Variants in OPCML observed in about 807,000 individuals in gnomAD.
OPCML encodes the protein opioid binding protein/cell adhesion molecule like, also known as opioid-binding protein/cell adhesion molecule.
A neutral mutation model predicts 37.8 loss-of-function variants in OPCML; 13 were observed. That is an observed-to-expected ratio of 0.34 (90% CI 0.22 to 0.55). OPCML has a LOEUF of 0.55. OPCML is among the 20% of genes least tolerant of loss of function. OPCML has a pLI of 0.91. For synonymous variants in OPCML, 176 were observed against 168.8 expected, an observed-to-expected ratio of 1.04 and a Z score of -0.33; for missense variants, 341 against 435.6, an observed-to-expected ratio of 0.78 and a Z score of 1.93.
chr11:132,460,601 G>T (rs1016931008), intron 4 of OPCML, among the ~76,000 whole-genome samples: 2 of 152,140 alleles, frequency 1.3e-5, no homozygotes, highest in Non-Finnish European at 1.5e-5. Flanking sequence ...TATCTTGATG[G>T]CAAAGAAGAA....
At chr11:133,483,346 TATAG>T (rs1021932898) in intron 1 of OPCML, among the ~76,000 whole-genome samples, 8 of 86,534 alleles carry the variant, frequency 9.2e-5, no homozygotes, top group South Asian at 3.0e-4. Flanking sequence ...AGATAATAGA[TATAG>T]ATAGATAGAT....
intron 1 of OPCML, chr11:133,362,178 G>A (rs929454111): frequency 1.3e-5 from 2 of 152,312 alleles, no homozygotes; most frequent in Non-Finnish European, 2.9e-5. Flanking sequence ...ATAGAAGGTG[G>A]TGTGACTTGG....
At chr11:132,674,828 A>T (rs1421870044) in intron 2 of OPCML, among the ~76,000 whole-genome samples, 1 of 152,186 alleles carries the variant, frequency 6.6e-6, no homozygotes, top group Non-Finnish European at 1.5e-5. Flanking sequence ...TCTAAGGCAC[A>T]TCCACTGGTT....
At chr11:133,464,457 G>A (rs774689370) in intron 1 of OPCML, among the ~76,000 whole-genome samples, 4 of 152,172 alleles carry the variant, frequency 2.6e-5, no homozygotes, top group Non-Finnish European at 5.9e-5. Flanking sequence ...AATGTGGGGC[G>A]CTCTGGGGCC....
chr11:133,152,997 G>A (rs1291058480), intron 1 of OPCML, among the ~76,000 whole-genome samples: 1 of 152,068 alleles, frequency 6.6e-6, no homozygotes, highest in Non-Finnish European at 1.5e-5. Context: ...TCTCCACAGC[G>A]GGCTGTGTGT....
chr11:132,605,556 C>A (rs1938232355), intron 3 of OPCML, among the ~76,000 whole-genome samples: 2 of 152,032 alleles, frequency 1.3e-5, no homozygotes, highest in Admixed American at 1.3e-4. Context: ...GAGATAGAGA[C>A]TCTGTGTCAA....
At chr11:132,905,325 A>G (rs560947511) in intron 2 of OPCML, among the ~76,000 whole-genome samples, 165 of 139,050 alleles carry the variant, frequency 1.2e-3, no homozygotes, top group African/African-American at 4.2e-3. Context: ...TCCGCCTCCC[A>G]GATTCAAGCA....
intron 6 of OPCML, 135 bp downstream of exon 6, chr11:132,436,523 CT>C: frequency 6.9e-7 from 1 of 1,451,022 alleles, no homozygotes; most frequent in Non-Finnish European, 9.1e-7. Context: ...TAAAAATAGA[CT>C]TTGTTACAAA....
At chr11:132,733,015 G>A (rs904925338) in intron 2 of OPCML, among the ~76,000 whole-genome samples, 1 of 152,132 alleles carries the variant, frequency 6.6e-6, no homozygotes. Context: ...GCAGTGGGAA[G>A]GTGGTGAGTG....
intron 2 of OPCML, among the ~76,000 whole-genome samples, chr11:132,812,254 A>G (rs1271099285): frequency 6.6e-6 from 1 of 152,170 alleles, no homozygotes; most frequent in Non-Finnish European, 1.5e-5. Flanking sequence ...TACACTGCGC[A>G]TTGCAAAGTA....
chr11:133,028,118 A>G (rs547071390), intron 1 of OPCML, among the ~76,000 whole-genome samples: 38 of 152,128 alleles, frequency 2.5e-4, no homozygotes, highest in African/African-American at 8.7e-4. Context: ...TCAACCAGTA[A>G]CCTTTATTTT....
intron 1 of OPCML, among the ~76,000 whole-genome samples, chr11:133,393,287 GT>G (rs1565610685): frequency 1.3e-5 from 2 of 152,150 alleles, no homozygotes; most frequent in Non-Finnish European, 2.9e-5. Flanking sequence ...ATAAAACAAG[GT>G]TATGTATTGA....
chr11:132,527,087 A>C (rs1407148958), intron 4 of OPCML, among the ~76,000 whole-genome samples: 1 of 152,202 alleles, frequency 6.6e-6, no homozygotes, highest in African/African-American at 2.4e-5. Context: ...ATTGCTGAGT[A>C]GCAATCTGTT....
intron 1 of OPCML, among the ~76,000 whole-genome samples, chr11:133,147,943 T>C (rs1310047950): frequency 6.6e-6 from 1 of 152,178 alleles, no homozygotes; most frequent in Non-Finnish European, 1.5e-5. Flanking sequence ...CAGCGAACGC[T>C]TTCTTCCTCC....
At position 132,600,659 on chromosome 11, in the gene OPCML, A is replaced by G. The variant is rs564844441; in HGVS notation, c.379+56428T>C. On this transcript the variant is annotated intron_variant, in intron 3 of 7. Coordinates refer to ENST00000524381, the MANE Select transcript of OPCML (RefSeq NM_001012393.5). Reference sequence around the variant, plus strand: ...AATTGGGGACCAAAAGCTATTCTTAATTCAAAGTGAGTAATTTATATAATG... The same window carrying G: ...AATTGGGGACCAAAAGCTATTCTTAGTTCAAAGTGAGTAATTTATATAATG... Among the ~76,000 whole-genome samples the G allele has an allele frequency of 9.0e-4, 137 of 152,310 alleles. 1 individual carries two copies. Among genetic ancestry groups the G allele is most frequent in the Non-Finnish European group, 1.6e-3 (107 of 68,030 alleles).
chr11:133,215,205 A>AGTGT (rs1555116219), intron 1 of OPCML, among the ~76,000 whole-genome samples: 11 of 151,520 alleles, frequency 7.3e-5, no homozygotes, highest in African/African-American at 2.7e-4. Context: ...AGAGAGAGAG[A>AGTGT]GTGTGTGTGT....
intron 2 of OPCML, among the ~76,000 whole-genome samples, chr11:132,813,113 C>A (rs1939441663): frequency 1.3e-5 from 2 of 152,116 alleles, no homozygotes; most frequent in South Asian, 4.2e-4. Context: ...AATTTCATTG[C>A]TTTTGAATTT....
At chr11:132,678,007 A>C (rs773683870) in intron 2 of OPCML, among the ~76,000 whole-genome samples, 12 of 152,222 alleles carry the variant, frequency 7.9e-5, no homozygotes, top group Non-Finnish European at 1.3e-4. Flanking sequence ...ATCTCAGTTA[A>C]AGGGCTGTCA....
At chr11:133,377,623 A>AAG (rs1944840250) in intron 1 of OPCML, among the ~76,000 whole-genome samples, 1 of 150,626 alleles carries the variant, frequency 6.6e-6, no homozygotes, top group Non-Finnish European at 1.5e-5. Context: ...AAAAAAAAAA[A>AAG]AAAAGAGCAC....
Sources: allele counts gnomAD v4.1 joint callset (sites outside exome capture counted in the v4.1 genomes callset), GRCh38; gene constraint gnomAD v4.1.1; transcripts MANE v1.5; gene names NCBI Gene and HGNC (gene_info 2026-07-23, HGNC 2026-07-21).